Variants in NHERF2 observed in about 807,000 individuals in gnomAD.
NHERF2 encodes Na(+)/H(+) exchange regulatory cofactor NHE-RF2.
the NHERF2 span, chr16:2,035,759 C>T: frequency 1.4e-5 from 12 of 855,614 alleles, no homozygotes; most frequent in Non-Finnish European, 1.5e-5. Context: ...GCCCTCTGTG[C>T]CCTGTCCACA....
At chr16:2,033,177 C>G in the NHERF2 span, 1 of 1,430,970 alleles carries the variant, frequency 7.0e-7, no homozygotes. Context: ...CGCAGGGGAG[C>G]GGGCTCAGTC....
chr16:2,036,845 C>A, the NHERF2 span: 1 of 1,612,434 alleles, frequency 6.2e-7, no homozygotes, highest in South Asian at 1.1e-5. Flanking sequence ...ACACTTCAAG[C>A]GGCTTCGGGT....
chr16:2,032,055 T>A, the NHERF2 span, among the ~76,000 whole-genome samples: 1 of 150,820 alleles, frequency 6.6e-6, no homozygotes, highest in Non-Finnish European at 1.5e-5. The surrounding 1 kb of genome is among the most constrained non-coding windows in gnomAD (Gnocchi z 4.0). Context: ...AGTTTCACTC[T>A]GTCGCCCAGG....
the NHERF2 span, chr16:2,038,466 A>C: frequency 1.6e-5 from 6 of 375,706 alleles, no homozygotes; most frequent in African/African-American, 4.8e-5. Flanking sequence ...GCAATAAAAC[A>C]AACCTTTCTC....
At chr16:2,033,531 G>T in the NHERF2 span, 1 of 1,277,390 alleles carries the variant, frequency 7.8e-7, no homozygotes, top group Non-Finnish European at 1.1e-6. Flanking sequence ...ATGTAAGCAG[G>T]CTGGTCGCTG....
chr16:2,029,882 G>T, the NHERF2 span: 1 of 1,054,154 alleles, frequency 9.5e-7, no homozygotes. Flanking sequence ...CAGAAGTCTT[G>T]GTCTCTTCTG....
At chr16:2,028,964 G>A in the NHERF2 span, among the ~76,000 whole-genome samples, 1 of 152,194 alleles carries the variant, frequency 6.6e-6, no homozygotes, top group African/African-American at 2.4e-5. Flanking sequence ...GGCTGTGTGT[G>A]GGTGCCCGAG....
At chr16:2,034,191 CGT>C in the NHERF2 span, among the ~76,000 whole-genome samples, 3 of 152,166 alleles carry the variant, frequency 2.0e-5, no homozygotes. Flanking sequence ...GGCTGCTGTG[CGT>C]GTTTGCAGGT....
the NHERF2 span, among the ~76,000 whole-genome samples, chr16:2,028,880 GCCA>G: frequency 6.6e-6 from 1 of 152,160 alleles, no homozygotes; most frequent in East Asian, 1.9e-4. Flanking sequence ...CACACCGACG[GCCA>G]CCAAGCCACA....
chr16:2,036,578 G>T, the NHERF2 span: 8 of 1,521,340 alleles, frequency 5.3e-6, no homozygotes, highest in African/African-American at 1.4e-5. Context: ...TCCTTGCAGG[G>T]AGGAGGGAGA....
the NHERF2 span, chr16:2,037,625 C>G: frequency 6.2e-7 from 1 of 1,609,480 alleles, no homozygotes; most frequent in Non-Finnish European, 8.5e-7. Flanking sequence ...CACTCCTGAG[C>G]TCACACGTGG....
the NHERF2 span, chr16:2,036,625 C>T: frequency 2.4e-5 from 37 of 1,539,918 alleles, no homozygotes; most frequent in Admixed American, 3.3e-4. Flanking sequence ...CCTGCTGCCT[C>T]GGTGGGCGGT....
At chr16:2,035,269 G>A in the NHERF2 span, 14 of 390,824 alleles carry the variant, frequency 3.6e-5, no homozygotes, top group African/African-American at 2.2e-4. Flanking sequence ...TGACATGGCC[G>A]TTTCTGGTCC....
the NHERF2 span, among the ~76,000 whole-genome samples, chr16:2,033,818 C>G: frequency 5.3e-5 from 8 of 152,294 alleles, no homozygotes; most frequent in South Asian, 1.7e-3. Context: ...TCTGGGCCCC[C>G]CTTCCCCACG....
the NHERF2 span, chr16:2,036,871 G>A: frequency 6.2e-7 from 1 of 1,610,022 alleles, no homozygotes; most frequent in Middle Eastern, 1.7e-4. Context: ...CCACCGAGGA[G>A]CACGTGGAAG....
the NHERF2 span, chr16:2,033,366 G>C: frequency 1.3e-6 from 2 of 1,533,238 alleles, no homozygotes; most frequent in Non-Finnish European, 1.7e-6. Flanking sequence ...CACGCTCCGG[G>C]AGTGCCACGC....
the NHERF2 span, chr16:2,027,062 G>A: frequency 7.0e-7 from 1 of 1,435,802 alleles, no homozygotes; most frequent in South Asian, 1.3e-5. Context: ...GCGGAGAGCA[G>A]GGCTACGGCT....
chr16:2,035,368 G>A, the NHERF2 span: 19 of 948,464 alleles, frequency 2.0e-5, no homozygotes, highest in South Asian at 4.7e-5. Flanking sequence ...AGGTCTGAGC[G>A]CCCCCTTGCC....
the NHERF2 span, chr16:2,029,696 C>T: frequency 1.3e-6 from 2 of 1,558,668 alleles, no homozygotes; most frequent in African/African-American, 1.4e-5. Context: ...GATGGCCCAG[C>T]GAGGGCTCCC....
Sources: gnomAD v4.1 joint callset for allele counts (sites outside exome capture counted in the v4.1 genomes callset) on GRCh38, gnomAD v4.1.1 for gene constraint, Gnocchi (gnomAD v3.1) non-coding constraint, MANE v1.5 for transcripts, NCBI Gene and HGNC (gene_info 2026-07-23, HGNC 2026-07-21) for gene names.